Variants in SAA2 observed in about 807,000 individuals in gnomAD.
SAA2 encodes the protein serum amyloid A-2 protein.
In SAA2, 5 loss-of-function variants were observed where a neutral mutation model predicts 9.1. That is an observed-to-expected ratio of 0.55 (90% confidence interval 0.29 to 1.16). The LOEUF is 1.16. Ranked by LOEUF, SAA2 falls within the 50% of genes most tolerant of loss-of-function variation. The pLI is 0.09. For synonymous variants in SAA2, 49 were observed against 59.8 expected, an observed-to-expected ratio of 0.82 and a Z score of 0.83; for missense variants, 94 against 153.8, an observed-to-expected ratio of 0.61 and a Z score of 2.06.
downstream of SAA2, among the ~76,000 whole-genome samples, chr11:18,244,655 T>C (rs80107733): frequency 3.2e-3 from 484 of 152,320 alleles, 1 homozygote; most frequent in African/African-American, 0.011. Flanking sequence ...TGGCTCTCTC[T>C]CCACTGCCAC....
In SAA2 at chr11:18,245,478, C is replaced by T; in HGVS notation, c.268G>A (p.Gly90Ser). 6.2e-7 allele frequency: 1 copy of T among 1,614,176 alleles called. No individual in the cohort carries two copies. The change falls in exon 4 of 4, where the codon GGT becomes AGT. Residue 90 changes from glycine (G) to serine (S), a missense_variant. Gly to Ser is a moderately conservative substitution (Grantham distance 56). Around this residue, in one of 2 missense-constraint regions of SAA2, gnomAD observed 62 missense variants for 58.3 expected, o/e 1.06. Transcript: ENST00000256733. ...RENIQRLTGR[G>S]AEDSLADQAA... ...TGATCGGCCAGCGAGTCCTCCGCAC[C>T]ACGGCCTGTGAGTCTCTGGATATTC...
intron 2 of SAA2, among the ~76,000 whole-genome samples, 173 bp from the exon 3 acceptor site, chr11:18,246,221 G>T (rs1294436281): frequency 1.3e-5 from 2 of 151,932 alleles, no homozygotes; most frequent in African/African-American, 4.8e-5. Context: ...ATCCTAGTTG[G>T]CTTCTTCAAG....
downstream of SAA2, chr11:18,242,481 T>A (rs1027562742): frequency 1.0e-5 from 4 of 388,694 alleles, no homozygotes; most frequent in African/African-American, 2.1e-5. Context: ...GTTAATCTCC[T>A]CTGGAAACAC....
intron 2 of SAA2, 107 bp downstream of exon 2, chr11:18,247,814 A>G: frequency 7.8e-7 from 1 of 1,277,092 alleles, no homozygotes; most frequent in Non-Finnish European, 1.1e-6. Context: ...AGACACTAGC[A>G]ACTCTGTGGT....
downstream of SAA2, among the ~76,000 whole-genome samples, chr11:18,240,942 G>A (rs576665136): frequency 5.3e-5 from 8 of 152,162 alleles, no homozygotes; most frequent in South Asian, 6.2e-4. Context: ...ACCTAAGAAC[G>A]GGAGAAAATA....
At chr11:18,247,534 A>C (rs1372682781) in intron 2 of SAA2, among the ~76,000 whole-genome samples, 4 of 146,720 alleles carry the variant, frequency 2.7e-5, no homozygotes, top group African/African-American at 1.0e-4. Context: ...GCAGCTCCCC[A>C]GGCACATTGG....
In SAA2 at chr11:18,246,373, A is replaced by T. The variant is rs541034844; in HGVS notation, c.92-325T>A. On this transcript the variant is annotated intron_variant, in intron 2 of 3. Coordinates refer to ENST00000256733, the MANE Select transcript of SAA2 (RefSeq NM_030754.5). Reference sequence around the variant, plus strand: ...GTACTTCTGCCCTGACTACTAAAGTATATATTCTTGCAAATGGAATACATG... The same window carrying T: ...GTACTTCTGCCCTGACTACTAAAGTTTATATTCTTGCAAATGGAATACATG... Among the ~76,000 whole-genome samples, 29 of 152,140 alleles carry T rather than the reference A, an allele frequency of 1.9e-4. No individual in the cohort carries two copies. The East Asian group carries it at 2.3e-3, about 12-fold the overall frequency.
chr11:18,245,283 T>A lies in SAA2; in HGVS notation c.*94A>T. On this transcript the variant is annotated 3_prime_UTR_variant, in exon 4 of 4. Coordinates refer to ENST00000256733, the MANE Select transcript of SAA2 (RefSeq NM_030754.5). ...TATTAGATGCCTATTATATGCCATA[T>A]CTCAGCTTCTCTGGACATAGACCTC... 2.6e-6 allele frequency: 4 copies of A among 1,563,362 alleles called. No individual in the cohort carries two copies. The Admixed American group carries it at 7.4e-5, about 29-fold the overall frequency.
intron 3 of SAA2, chr11:18,240,154 G>A: frequency 1.3e-6 from 1 of 778,030 alleles, no homozygotes; most frequent in Admixed American, 2.1e-5. Flanking sequence ...ATGATTATTA[G>A]GAAGAATGAG....
At chr11:18,248,247 G>A in intron 1 of SAA2, 1 of 408,208 alleles carries the variant, frequency 2.4e-6, no homozygotes, top group Non-Finnish European at 4.8e-6. Flanking sequence ...ACTGATGGAG[G>A]AAGGCAGGAG....
intron 2 of SAA2, among the ~76,000 whole-genome samples, chr11:18,246,998 A>G (rs922133804): frequency 2.0e-5 from 3 of 152,196 alleles, no homozygotes; most frequent in Admixed American, 6.5e-5. Flanking sequence ...TGATGCGTCT[A>G]CCTGGCAAGA....
downstream of SAA2, among the ~76,000 whole-genome samples, chr11:18,245,035 A>G (rs1857460506): frequency 6.6e-6 from 1 of 152,200 alleles, no homozygotes; most frequent in Admixed American, 6.5e-5. Flanking sequence ...AATAGCAACA[A>G]TGTAACCACA....
chr11:18,242,570 G>C (rs1337061753), downstream of SAA2: 6 of 532,510 alleles, frequency 1.1e-5, no homozygotes, highest in African/African-American at 1.2e-4. Context: ...AGTAGGCTGG[G>C]CTCAGTGACT....
downstream of SAA2, among the ~76,000 whole-genome samples, chr11:18,243,416 T>C (rs1049925510): frequency 8.5e-5 from 13 of 152,210 alleles, no homozygotes; most frequent in African/African-American, 2.7e-4. Context: ...GCATTTACAA[T>C]TGCTATTGTA....
chr11:18,240,259 G>A, downstream of SAA2: 1 of 703,014 alleles, frequency 1.4e-6, no homozygotes, highest in Non-Finnish European at 2.6e-6. Context: ...AGTCCATCCA[G>A]TTGTGGTTGT....
downstream of SAA2, among the ~76,000 whole-genome samples, chr11:18,244,252 C>G (rs12282742): frequency 1.3e-5 from 2 of 152,200 alleles, no homozygotes; most frequent in African/African-American, 4.8e-5. Flanking sequence ...ACAGTTCACT[C>G]CAGAGCACTG....
chr11:18,241,536 C>T (rs760607763), downstream of SAA2, among the ~76,000 whole-genome samples: 1 of 152,034 alleles, frequency 6.6e-6, no homozygotes, highest in African/African-American at 2.4e-5. Context: ...GTGTGTATGT[C>T]TGTATACACA....
At chr11:18,244,198 C>A (rs145970019), downstream of SAA2, among the ~76,000 whole-genome samples, 12 of 152,342 alleles carry the variant, frequency 7.9e-5, no homozygotes, top group African/African-American at 2.6e-4. Flanking sequence ...AATAGTACAG[C>A]CATGCTGTGA....
downstream of SAA2, among the ~76,000 whole-genome samples, chr11:18,241,929 A>G (rs1415572705): frequency 6.6e-6 from 1 of 152,196 alleles, no homozygotes; most frequent in Non-Finnish European, 1.5e-5. Context: ...TATTTTAAAT[A>G]ACAATAATAA....
Sources: allele counts gnomAD v4.1 joint callset (sites outside exome capture counted in the v4.1 genomes callset), GRCh38; gene constraint gnomAD v4.1.1; regional missense constraint gnomAD v4.1.1; transcripts MANE v1.5; gene names NCBI Gene and HGNC (gene_info 2026-07-23, HGNC 2026-07-21).